Variants in TP63 observed in about 807,000 individuals in gnomAD.
TP63 encodes the protein tumor protein 63.
Under a neutral mutation model 82.8 loss-of-function variants are expected in TP63, and 17 were observed. The observed-to-expected ratio is 0.21, with a 90% CI of 0.14 to 0.31. The LOEUF (loss-of-function observed/expected upper bound fraction) is 0.31, where lower values mean the gene tolerates loss of function less well. TP63 is among the 10% of genes least tolerant of loss of function. The pLI, the probability that TP63 is intolerant of heterozygous loss-of-function variation, is 1.00. For missense variants in TP63, 648 were observed against 895.3 expected, an observed-to-expected ratio of 0.72 and a Z score of 3.52; for synonymous variants, 330 against 321.7, an observed-to-expected ratio of 1.03 and a Z score of -0.28.
In TP63 at chr3:189,875,611, T is replaced by TATATATATATACACACAC. The variant is rs71175313; in HGVS notation, c.1349+2627_1349+2628insCACACACATATATATATA. Among the ~76,000 whole-genome samples the TATATATATATACACACAC allele has an allele frequency of 1.5e-3, 118 of 77,038 alleles. 3 individuals carry two copies. The highest frequency in any genetic ancestry group is 2.8e-3 in the Non-Finnish European group (100 of 35,902). 50.5% of individuals were successfully genotyped at this position (77,038 alleles called of 152,430 possible). Reference sequence around the variant, plus strand: ...ATACATACATATATATATATATATATATATATATATATATATATATATATA... The same window carrying TATATATATATACACACAC: ...ATACATACATATATATATATATATATATATATATATACACACACATATATATATATATATATATATATA... On this transcript the variant is annotated intron_variant, in intron 10 of 13. Transcript: ENST00000264731.
intron 3 of TP63, among the ~76,000 whole-genome samples, chr3:189,767,884 G>A (rs77227178): frequency 0.021 from 3,222 of 152,166 alleles, 100 homozygotes; most frequent in African/African-American, 0.068. Context: ...TTAGTGATGT[G>A]ATCTGACACA....
At chr3:189,798,405 GAC>G (rs991426226) in intron 3 of TP63, among the ~76,000 whole-genome samples, 5 of 152,030 alleles carry the variant, frequency 3.3e-5, no homozygotes, top group African/African-American at 1.2e-4. Flanking sequence ...GTTTTTGAAA[GAC>G]AGGGCAGATG....
intron 1 of TP63, among the ~76,000 whole-genome samples, chr3:189,708,471 T>G (rs1718360872): frequency 6.6e-6 from 1 of 152,230 alleles, no homozygotes; most frequent in Non-Finnish European, 1.5e-5. Context: ...GGTGGATTAA[T>G]TTCTTCTCTG....
intron 4 of TP63, among the ~76,000 whole-genome samples, chr3:189,810,592 T>C (rs577604294): frequency 5.9e-5 from 9 of 152,182 alleles, no homozygotes; most frequent in Middle Eastern, 6.8e-3. Flanking sequence ...GCGTGGTGGC[T>C]CACACCTATA....
In TP63 at chr3:189,771,108, G is replaced by A. The variant is rs532103724; in HGVS notation, c.324+32334G>A. Among the ~76,000 whole-genome samples the A allele has an allele frequency of 7.3e-5, 11 of 151,300 alleles. No homozygotes were observed. In the South Asian group the frequency reaches 2.3e-3, roughly 31 times the overall value. The stretch of plus-strand genomic sequence containing the variant: ...CATTAGTGAACAGGTTAGTATGTAT[G>A]ACTAATTAAAAGGTACCCATAATAT... On this transcript the variant is annotated intron_variant, in intron 3 of 13. Coordinates refer to ENST00000264731, the MANE Select transcript of TP63 (RefSeq NM_003722.5).
chr3:189,813,489 T>C (rs1375646268), intron 4 of TP63, among the ~76,000 whole-genome samples: 2 of 152,150 alleles, frequency 1.3e-5, no homozygotes, highest in Non-Finnish European at 2.9e-5. Flanking sequence ...GTTCAGTCTG[T>C]CTTGATTATT....
intron 3 of TP63, among the ~76,000 whole-genome samples, chr3:189,789,073 A>C (rs1724862801): frequency 2.0e-5 from 3 of 152,070 alleles, no homozygotes; most frequent in Admixed American, 2.0e-4. Context: ...GCTCGAAAAA[A>C]TCAGGTAGCT....
intron 4 of TP63, among the ~76,000 whole-genome samples, chr3:189,839,206 G>A (rs913307863): frequency 1.3e-5 from 2 of 152,182 alleles, no homozygotes; most frequent in Admixed American, 1.3e-4. Context: ...AGAGAAGAAT[G>A]AAGGATCTAA....
At chr3:189,871,373 TG>T (rs1320518110) in intron 9 of TP63, among the ~76,000 whole-genome samples, 1 of 152,106 alleles carries the variant, frequency 6.6e-6, no homozygotes, top group African/African-American at 2.4e-5. Context: ...AATAAATAAA[TG>T]TAATGTAATA....
At chr3:189,667,139 G>A (rs955079771) in intron 1 of TP63, among the ~76,000 whole-genome samples, 2 of 149,672 alleles carry the variant, frequency 1.3e-5, no homozygotes, top group Non-Finnish European at 3.0e-5. Flanking sequence ...TAGCACGACA[G>A]TCCCACTGAA....
chr3:189,831,230 G>A (rs1405213541), intron 4 of TP63, among the ~76,000 whole-genome samples: 2 of 152,158 alleles, frequency 1.3e-5, no homozygotes, highest in Non-Finnish European at 2.9e-5. Flanking sequence ...GAAATCTGCT[G>A]TTTGAGGTTC....
At chr3:189,886,687 G>C (rs942070200) in intron 11 of TP63, 136 bp downstream of exon 11, 5 of 1,295,586 alleles carry the variant, frequency 3.9e-6, no homozygotes, top group Non-Finnish European at 5.3e-6. Context: ...GGAGTGGCTT[G>C]GGTTTCTGAC....
intron 1 of TP63, among the ~76,000 whole-genome samples, chr3:189,734,279 C>T (rs889310175): frequency 7.1e-6 from 1 of 141,586 alleles, no homozygotes; most frequent in African/African-American, 2.5e-5. Flanking sequence ...TCAAGCGATT[C>T]TCCTGCCTCA....
intron 4 of TP63, among the ~76,000 whole-genome samples, chr3:189,848,239 T>TTCTCTCTCTCTCTC (rs59468983): frequency 0.14 from 13,764 of 95,616 alleles, 2,223 homozygotes; most frequent in Non-Finnish European, 0.19. Context: ...CTCCTCCTCC[T>TTCTCTCTCTCTCTC]TCTCTCTCTC....
In TP63 at chr3:189,737,762, T is replaced by G. The variant is rs533808847; in HGVS notation, c.85T>G (p.Phe29Val). Residue 29 changes from phenylalanine (F) to valine (V), a missense_variant, in exon 2 of 14, where the codon TTC becomes GTC. Phe to Val is a conservative substitution (Grantham distance 50). Transcript: ENST00000264731. ...IQRFVETPAH[F>V]SWKESYYRST... ...AAGTTTCGTAGAAACCCCAGCTCATTTCTCTTGGAAAGAAAGTTATTACCG... is the reference window on the plus strand; with the variant it reads ...AAGTTTCGTAGAAACCCCAGCTCATGTCTCTTGGAAAGAAAGTTATTACCG... 22 of 1,613,852 alleles carry G rather than the reference T, an allele frequency of 1.4e-5. No individual in the cohort carries two copies. The highest frequency in any genetic ancestry group is 3.3e-5 in the Admixed American group (2 of 59,994).
chr3:189,717,722 A>T (rs1346265556), intron 1 of TP63, among the ~76,000 whole-genome samples: 1 of 152,190 alleles, frequency 6.6e-6, no homozygotes, highest in Non-Finnish European at 1.5e-5. Flanking sequence ...AGGCTTGAGG[A>T]TATCTCTTCT....
At position 189,735,207 on chromosome 3, in the gene TP63, G is replaced by T. The variant is rs184659308; in HGVS notation, c.63-2533G>T. 1.6e-4 allele frequency among the ~76,000 whole-genome samples: 24 copies of T among 152,232 alleles called. No homozygotes were observed. In the East Asian group the frequency reaches 4.6e-3, roughly 29 times the overall value. On this transcript the variant is annotated intron_variant, in intron 1 of 13. Coordinates refer to ENST00000264731, the MANE Select transcript of TP63 (RefSeq NM_003722.5). ...ACTTCTCAGGGTCTGTTAGTTCTCA[G>T]GTTTTCTAAGTGGAGCCCCACGTGC...
At position 189,726,989 on chromosome 3, in the gene TP63, C is replaced by A. The variant is rs533495795; in HGVS notation, c.63-10751C>A. Among the ~76,000 whole-genome samples the A allele has an allele frequency of 7.9e-5, 12 of 152,310 alleles. No individual in the cohort carries two copies. In the South Asian group the frequency reaches 2.1e-3, roughly 26 times the overall value. ...TAGCTCAAAAGCAGCCATATACCAACACCTAAATAAATATGGCAGTGTCCT... is the reference window on the plus strand; with the variant it reads ...TAGCTCAAAAGCAGCCATATACCAAAACCTAAATAAATATGGCAGTGTCCT... On this transcript the variant is annotated intron_variant, in intron 1 of 13. Coordinates refer to ENST00000264731, the MANE Select transcript of TP63 (RefSeq NM_003722.5).
intron 13 of TP63, among the ~76,000 whole-genome samples, chr3:189,891,961 A>G (rs1222465931): frequency 2.0e-5 from 3 of 152,076 alleles, no homozygotes; most frequent in Non-Finnish European, 4.4e-5. Context: ...TGCCCCCACC[A>G]TGAGGTGACG....
Sources: gnomAD v4.1 joint callset for allele counts (sites outside exome capture counted in the v4.1 genomes callset) on GRCh38, gnomAD v4.1.1 for gene constraint, MANE v1.5 for transcripts, NCBI Gene and HGNC (gene_info 2026-07-23, HGNC 2026-07-21) for gene names.